CHRM3: variants seen among roughly 807,000 people sequenced by gnomAD.
The protein encoded by CHRM3 is cholinergic receptor muscarinic 3.
Under a neutral mutation model 41.8 loss-of-function variants are expected in CHRM3, and 11 were observed. The ratio of observed to expected loss-of-function variants is 0.26; its 90% CI spans 0.17 to 0.44. The LOEUF is 0.44. CHRM3 is among the 20% of genes least tolerant of loss of function. The probability of loss-of-function intolerance (pLI) is 1.00; values close to 1 mark genes in which losing one functional copy is unlikely to be tolerated. For synonymous variants in CHRM3, 297 were observed against 301.4 expected, an observed-to-expected ratio of 0.99 and a Z score of 0.15; for missense variants, 571 against 745.4, an observed-to-expected ratio of 0.77 and a Z score of 2.72.
chr1:239,493,368 G>A (rs574218407), intron 2 of CHRM3, among the ~76,000 whole-genome samples: 5 of 152,198 alleles, frequency 3.3e-5, no homozygotes, highest in African/African-American at 1.2e-4. Context: ...AATAGACCAG[G>A]CTTCACTTGG....
At chr1:239,734,647 T>C (rs144174349) in intron 5 of CHRM3, among the ~76,000 whole-genome samples, 1 of 152,286 alleles carries the variant, frequency 6.6e-6, no homozygotes, top group East Asian at 1.9e-4. Context: ...ATTTATTATA[T>C]AATCAGATAC....
intron 5 of CHRM3, among the ~76,000 whole-genome samples, chr1:239,693,540 G>A (rs140358713): frequency 6.6e-6 from 1 of 152,262 alleles, no homozygotes; most frequent in Non-Finnish European, 1.5e-5. Context: ...TTTTGTTATG[G>A]CAGCCCAAGC....
At chr1:239,641,667 G>A (rs1278584247) in intron 4 of CHRM3, among the ~76,000 whole-genome samples, 14 of 145,130 alleles carry the variant, frequency 9.6e-5, no homozygotes, top group Middle Eastern at 3.5e-3. Context: ...GTCTCTGCAC[G>A]TGAGATGGGT....
chr1:239,452,205 T>G (rs1412285072), intron 1 of CHRM3, among the ~76,000 whole-genome samples: 1 of 152,204 alleles, frequency 6.6e-6, no homozygotes, highest in Admixed American at 6.6e-5. Flanking sequence ...GATTTTTAAC[T>G]TTGGCTTGAG....
chr1:239,866,611 A>G (rs1676131375), intron 6 of CHRM3, among the ~76,000 whole-genome samples: 1 of 152,182 alleles, frequency 6.6e-6, no homozygotes, highest in Admixed American at 6.5e-5. Flanking sequence ...GGCAGGCGAT[A>G]TTACTGTCAC....
intron 4 of CHRM3, among the ~76,000 whole-genome samples, chr1:239,654,893 C>T (rs1672576119): frequency 6.6e-6 from 1 of 152,182 alleles, no homozygotes; most frequent in South Asian, 2.1e-4. Context: ...AAGGAAAGGA[C>T]AACAATTTGG....
chr1:239,767,092 C>G (rs1219693956), intron 5 of CHRM3, among the ~76,000 whole-genome samples: 2 of 152,128 alleles, frequency 1.3e-5, no homozygotes, highest in African/African-American at 4.8e-5. Flanking sequence ...TATATTTTTT[C>G]TCAATTAGTT....
chr1:239,410,752 T>C (rs1433843916), intron 1 of CHRM3, among the ~76,000 whole-genome samples: 1 of 152,202 alleles, frequency 6.6e-6, no homozygotes, highest in African/African-American at 2.4e-5. Flanking sequence ...AGCTCCTGCA[T>C]TGACTCATCC....
At chr1:239,662,933 C>CTTCTTCTTCTTCTTCTTCTT (rs1558431582) in intron 4 of CHRM3, among the ~76,000 whole-genome samples, 3 of 17,120 alleles carry the variant, frequency 1.8e-4, no homozygotes, top group African/African-American at 1.2e-3. Flanking sequence ...TTCTTCTTCT[C>CTTCTTCTTCTTCTTCTTCTT]CTCTTCTTCT....
intron 5 of CHRM3, among the ~76,000 whole-genome samples, chr1:239,769,461 A>G (rs151189620): frequency 6.6e-5 from 10 of 152,320 alleles, no homozygotes; most frequent in African/African-American, 2.2e-4. Context: ...TAATGAGATG[A>G]CTGATCTATT....
chr1:239,810,707 C>A (rs1228535791), intron 5 of CHRM3, among the ~76,000 whole-genome samples: 3 of 152,214 alleles, frequency 2.0e-5, no homozygotes, highest in Non-Finnish European at 2.9e-5. Context: ...AGGCCAAAGG[C>A]ACCTTGATCA....
intron 4 of CHRM3, among the ~76,000 whole-genome samples, chr1:239,634,512 GGTA>G (rs777834429): frequency 9.9e-5 from 15 of 150,798 alleles, no homozygotes; most frequent in Non-Finnish European, 1.5e-5. Flanking sequence ...TATGAAAGCT[GGTA>G]AAGGAAATAT....
chr1:239,862,328 G>A (rs1415254240), intron 6 of CHRM3, among the ~76,000 whole-genome samples: 1 of 152,174 alleles, frequency 6.6e-6, no homozygotes, highest in Non-Finnish European at 1.5e-5. Context: ...CATCCCTGCA[G>A]CTTAACTTCT....
intron 2 of CHRM3, among the ~76,000 whole-genome samples, chr1:239,536,849 A>G (rs1658252481): frequency 6.6e-6 from 1 of 152,216 alleles, no homozygotes; most frequent in African/African-American, 2.4e-5. Flanking sequence ...AAGAGGTTGT[A>G]AGGGAATAAT....
chr1:239,533,592 A>G (rs12097468), intron 2 of CHRM3, among the ~76,000 whole-genome samples: 5,490 of 151,548 alleles, frequency 0.036, 139 homozygotes, highest in African/African-American at 0.056. Context: ...TTACCTGTGC[A>G]TGGTGGCAGG....
intron 3 of CHRM3, among the ~76,000 whole-genome samples, chr1:239,558,201 A>T (rs1324153075): frequency 2.6e-5 from 4 of 152,000 alleles, no homozygotes; most frequent in African/African-American, 7.3e-5. Context: ...ATGGTATCTC[A>T]TTGTGGTTTT....
chr1:239,567,734 C>A (rs1404309764), intron 3 of CHRM3, among the ~76,000 whole-genome samples: 2 of 152,144 alleles, frequency 1.3e-5, no homozygotes, highest in East Asian at 1.9e-4. Context: ...GGCAAGAGGG[C>A]CTTCTGGCTG....
At chr1:239,521,985 A>G (rs11587861) in intron 2 of CHRM3, among the ~76,000 whole-genome samples, 35,608 of 152,152 alleles carry the variant, frequency 0.23, 4,708 homozygotes, top group Middle Eastern at 0.43. Context: ...TCCTGGAACC[A>G]ATGCCCCAAG....
At chr1:239,466,536 G>A (rs1665743893) in intron 1 of CHRM3, among the ~76,000 whole-genome samples, 2 of 152,044 alleles carry the variant, frequency 1.3e-5, no homozygotes, top group South Asian at 4.1e-4. Context: ...ATTTATATGT[G>A]CAGGGGTTAC....
Sources: gnomAD v4.1 joint callset for allele counts (sites outside exome capture counted in the v4.1 genomes callset) on GRCh38, gnomAD v4.1.1 for gene constraint, MANE v1.5 for transcripts, NCBI Gene and HGNC (gene_info 2026-07-23, HGNC 2026-07-21) for gene names.